The following DNAAF19 variants were observed in gnomAD, a reference collection of about 807,000 sequenced individuals.
DNAAF19 encodes the protein coiled-coil domain containing 103.
At chr17:44,902,255 C>G in the DNAAF19 span, 5 of 1,421,568 alleles carry the variant, frequency 3.5e-6, no homozygotes, top group African/African-American at 1.4e-5. Context: ...AGTGCTCAGA[C>G]AGTAGTGAGA....
chr17:44,902,020 T>C, the DNAAF19 span, among the ~76,000 whole-genome samples: 3 of 152,194 alleles, frequency 2.0e-5, no homozygotes, highest in African/African-American at 7.2e-5. Flanking sequence ...TTCAGATCCT[T>C]GAGTTCCTTT....
the DNAAF19 span, chr17:44,903,138 A>G: frequency 1.6e-6 from 2 of 1,276,512 alleles, no homozygotes; most frequent in Non-Finnish European, 2.0e-6. Flanking sequence ...TGCTGGCTAT[A>G]CCAGTTACAG....
the DNAAF19 span, chr17:44,901,067 TGAG>T: frequency 6.2e-7 from 1 of 1,601,682 alleles, no homozygotes; most frequent in Non-Finnish European, 8.5e-7. Flanking sequence ...TCACTGCTGA[TGAG>T]AAGTACAAAC....
At chr17:44,903,416 C>T in the DNAAF19 span, 4 of 1,251,808 alleles carry the variant, frequency 3.2e-6, no homozygotes, top group South Asian at 3.7e-5. Context: ...TTTCCTTCAT[C>T]CCCCAGGTTG....
chr17:44,903,288 A>G, the DNAAF19 span: 1 of 1,246,410 alleles, frequency 8.0e-7, no homozygotes, highest in Non-Finnish European at 1.0e-6. Flanking sequence ...ACATCATTTG[A>G]GGTGTTGAAT....
At chr17:44,904,908 C>T in the DNAAF19 span, 1 of 1,550,596 alleles carries the variant, frequency 6.4e-7, no homozygotes, top group Non-Finnish European at 8.7e-7. Flanking sequence ...CTGGGTGTGA[C>T]ATCTCATGGG....
At chr17:44,903,473 G>A in the DNAAF19 span, 1 of 1,268,848 alleles carries the variant, frequency 7.9e-7, no homozygotes. Context: ...CTGGAGCACT[G>A]AGGCAGAGAT....
the DNAAF19 span, chr17:44,904,826 C>A: frequency 6.4e-7 from 1 of 1,550,672 alleles, no homozygotes; most frequent in African/African-American, 1.4e-5. Flanking sequence ...GCTCCACATC[C>A]GCTTCACCCA....
chr17:44,901,226 A>G, the DNAAF19 span: 1 of 1,480,700 alleles, frequency 6.8e-7, no homozygotes. Flanking sequence ...TCTGGGCTTC[A>G]GTCCTGGCCC....
the DNAAF19 span, chr17:44,900,865 C>A: frequency 1.1e-6 from 1 of 901,838 alleles, no homozygotes; most frequent in Admixed American, 3.3e-5. Context: ...TAACACCTCC[C>A]AATCTGAGTG....
At chr17:44,904,529 G>C in the DNAAF19 span, 2 of 1,550,514 alleles carry the variant, frequency 1.3e-6, no homozygotes, top group Non-Finnish European at 8.7e-7. Context: ...CACGCCTGAG[G>C]TGCTGGTTCG....
At chr17:44,902,073 C>T in the DNAAF19 span, among the ~76,000 whole-genome samples, 1 of 152,238 alleles carries the variant, frequency 6.6e-6, no homozygotes, top group Non-Finnish European at 1.5e-5. Context: ...ACCCGACTTA[C>T]AGTAAACCCT....
At chr17:44,902,575 G>A in the DNAAF19 span, 1 of 1,614,088 alleles carries the variant, frequency 6.2e-7, no homozygotes, top group African/African-American at 1.3e-5. Context: ...CCGGGCAGCG[G>A]TGCTGGGGAT....
the DNAAF19 span, chr17:44,904,724 G>A: frequency 6.4e-7 from 1 of 1,550,578 alleles, no homozygotes; most frequent in South Asian, 1.2e-5. Flanking sequence ...GCATGCAGTG[G>A]CCTGGGACAA....
the DNAAF19 span, chr17:44,901,070 G>A: frequency 3.1e-5 from 49 of 1,603,338 alleles, no homozygotes; most frequent in Non-Finnish European, 3.8e-5. Context: ...CTGCTGATGA[G>A]AAGTACAAAC....
At chr17:44,902,806 C>G in the DNAAF19 span, 5 of 1,550,030 alleles carry the variant, frequency 3.2e-6, no homozygotes, top group South Asian at 4.7e-5. Context: ...GGAGCTGTAC[C>G]AGGTTGACTG....
the DNAAF19 span, chr17:44,903,267 G>A: frequency 2.4e-6 from 3 of 1,249,604 alleles, no homozygotes; most frequent in Non-Finnish European, 3.0e-6. Context: ...ATCAACAAAT[G>A]ATCAAATACT....
chr17:44,905,234 C>T, the DNAAF19 span: 1 of 631,940 alleles, frequency 1.6e-6, no homozygotes, highest in Non-Finnish European at 2.8e-6. Context: ...GGGACCTGAT[C>T]TGAGAAGTGG....
the DNAAF19 span, chr17:44,904,925 C>G: frequency 6.4e-7 from 1 of 1,550,624 alleles, no homozygotes; most frequent in East Asian, 2.4e-5. Context: ...TGGGCACTAC[C>G]CAGCCTCGTT....
Sources: gnomAD v4.1 joint callset for allele counts (sites outside exome capture counted in the v4.1 genomes callset) on GRCh38, gnomAD v4.1.1 for gene constraint, MANE v1.5 for transcripts, NCBI Gene and HGNC (gene_info 2026-07-23, HGNC 2026-07-21) for gene names.